PLOD2: variants seen among roughly 807,000 people sequenced by gnomAD.
The protein encoded by PLOD2 is procollagen-lysine,2-oxoglutarate 5-dioxygenase 2, also known as lysine hydroxylase 2.
Under a neutral mutation model 101.0 loss-of-function variants are expected in PLOD2, and 65 were observed. The ratio of observed to expected loss-of-function variants is 0.64; its 90% confidence interval spans 0.53 to 0.79. PLOD2 has a LOEUF of 0.79. Ranked by LOEUF, PLOD2 falls within the 30% of genes least tolerant of loss-of-function variation. The pLI is 0.00. For missense variants in PLOD2, 909 were observed against 914.6 expected (o/e 0.99, Z 0.08); for synonymous variants, 314 against 302.9 (o/e 1.04, Z -0.38).
chr3:146,110,414 C>A lies in PLOD2; in HGVS notation c.373G>T (p.Val125Phe). The change falls in exon 4 of 20, where the codon GTT (valine) becomes TTT (phenylalanine). Residue 125 changes from valine (V) to phenylalanine (F), a missense_variant. Val to Phe is a conservative substitution (Grantham distance 50, BLOSUM62 -1). Transcript: ENST00000282903. Reference sequence around the variant, plus strand: ...TTTGCCTTTTGGAATTTTTTTAGAACTTCTTCTGGACCACCAGCAAATATG... The same window carrying A: ...TTTGCCTTTTGGAATTTTTTTAGAAATTCTTCTGGACCACCAGCAAATATG... ...DVIFAGGPEE[V>F]LKKFQKANHK... is the part of the protein sequence containing the mutation. The A allele has an allele frequency of 6.2e-7, 1 of 1,613,468 alleles. No homozygotes were observed. Among genetic ancestry groups the A allele is most frequent in the South Asian group, 1.1e-5 (1 of 91,040 alleles).
chr3:146,153,276 A>G (rs890159247), intron 1 of PLOD2, among the ~76,000 whole-genome samples: 1 of 152,244 alleles, frequency 6.6e-6, no homozygotes, highest in South Asian at 2.1e-4. Flanking sequence ...TCAAAAAGAA[A>G]TAATTTAAAT....
chr3:146,122,255 C>G (rs1287539162), intron 2 of PLOD2, among the ~76,000 whole-genome samples: 1 of 152,196 alleles, frequency 6.6e-6, no homozygotes, highest in African/African-American at 2.4e-5. Context: ...AAAACTCAAG[C>G]TGTTTTGGAT....
chr3:146,102,050 A>G lies in PLOD2; in HGVS notation c.777+705T>C, dbSNP rs1035334173. Among the ~76,000 whole-genome samples the G allele has an allele frequency of 3.9e-5, 6 of 152,190 alleles. No individual in the cohort carries two copies. In the East Asian group the frequency reaches 9.6e-4, roughly 24 times the overall value. On this transcript the variant is annotated intron_variant, in intron 7 of 19. Coordinates refer to ENST00000282903, the MANE Select transcript of PLOD2 (RefSeq NM_182943.3). The stretch of plus-strand genomic sequence containing the variant: ...TCTGGAACAGAAGCCCACATCCCCC[A>G]GTATTTTCTTCCCACAACAAAAATC...
intron 12 of PLOD2, among the ~76,000 whole-genome samples, chr3:146,080,550 G>A (rs1278167808): frequency 1.3e-5 from 2 of 151,750 alleles, no homozygotes; most frequent in Non-Finnish European, 2.9e-5. Context: ...TTGCTCCTTC[G>A]TGTAGCTTTT....
intron 7 of PLOD2, among the ~76,000 whole-genome samples, chr3:146,092,440 C>G (rs1937006704): frequency 6.6e-6 from 1 of 152,056 alleles, no homozygotes; most frequent in Non-Finnish European, 1.5e-5. Context: ...CTACTATAAG[C>G]TAAGCTTCTG....
chr3:146,136,373 T>G (rs2031229408), intron 1 of PLOD2, among the ~76,000 whole-genome samples: 1 of 152,170 alleles, frequency 6.6e-6, no homozygotes, highest in South Asian at 2.1e-4. Context: ...AGACCACAAG[T>G]GTAAAATTCT....
chr3:146,128,044 T>C (rs2030680408), intron 1 of PLOD2, among the ~76,000 whole-genome samples: 1 of 152,124 alleles, frequency 6.6e-6, no homozygotes, highest in Non-Finnish European at 1.5e-5. Flanking sequence ...AAAAGAAAGA[T>C]AGAAAATTAT....
intron 1 of PLOD2, among the ~76,000 whole-genome samples, chr3:146,152,335 G>A (rs761739778): frequency 6.6e-6 from 1 of 151,984 alleles, no homozygotes; most frequent in Non-Finnish European, 1.5e-5. Flanking sequence ...CAGGAGCATC[G>A]CTTGAACCCG....
chr3:146,092,794 T>C (rs1937021237), intron 7 of PLOD2, among the ~76,000 whole-genome samples: 1 of 152,094 alleles, frequency 6.6e-6, no homozygotes, highest in Non-Finnish European at 1.5e-5. Flanking sequence ...TCCCTAGAAT[T>C]TGAACATGTT....
At position 146,070,634 on chromosome 3, in the gene PLOD2, ATCT is replaced by A. The variant is rs1280876436; in HGVS notation, c.*80_*82del. On this transcript the variant is annotated 3_prime_UTR_variant, in exon 20 of 20. Transcript: ENST00000282903. ...TTGATGTTATTTAAATATTCCTCTC[ATCT>A]TCTCAGCCACAACTTCAAAGACGTG... 3 of 886,000 alleles carry A rather than the reference ATCT, an allele frequency of 3.4e-6. No homozygotes were observed. Among genetic ancestry groups the A allele is most frequent in the African/African-American group, 1.7e-5 (1 of 59,432 alleles). The allele number at this position is 886,000 out of a possible 1,614,324, so 54.9% of individuals were successfully genotyped here. A position where few individuals can be genotyped will look rare whatever the true frequency, so the allele number is the denominator to read the frequency against.
chr3:146,102,669 T>G, intron 7 of PLOD2, 86 bp downstream of exon 7: 1 of 734,014 alleles, frequency 1.4e-6, no homozygotes. Context: ...TGAAAGAAAT[T>G]TTTAAAAATA....
At chr3:146,141,909 A>G (rs918502355) in intron 1 of PLOD2, among the ~76,000 whole-genome samples, 12 of 152,092 alleles carry the variant, frequency 7.9e-5, no homozygotes, top group African/African-American at 2.7e-4. Context: ...GAAGTTTATG[A>G]AAAAAATTGT....
chr3:146,071,329 C>G lies in PLOD2; in HGVS notation c.1943G>C (p.Arg648Pro). 2 of 1,612,154 alleles carry G rather than the reference C, an allele frequency of 1.2e-6. No individual in the cohort carries two copies. Among genetic ancestry groups the G allele is most frequent in the South Asian group, 1.1e-5 (1 of 91,058 alleles). The stretch of plus-strand genomic sequence containing the variant: ...CAGTGTAACTGGTGCAATGAACTCC[C>G]GGATAAAATGAAGCCATACATTCTC... The part of the protein sequence containing the change: ...DLENVWLHFI[R>P]EFIAPVTLKV... The change falls in exon 18 of 20, where the codon CGG (arginine) becomes CCG (proline). Residue 648 changes from arginine (R) to proline (P), a missense_variant. Transcript: ENST00000282903.
chr3:146,154,499 A>C (rs1479377909), intron 1 of PLOD2, among the ~76,000 whole-genome samples: 1 of 151,962 alleles, frequency 6.6e-6, no homozygotes, highest in Non-Finnish European at 1.5e-5. Flanking sequence ...GTTAGTGTTA[A>C]TTGCTCTTGA....
At chr3:146,122,020 A>C (rs1467348624) in intron 2 of PLOD2, among the ~76,000 whole-genome samples, 1 of 152,194 alleles carries the variant, frequency 6.6e-6, no homozygotes, top group Non-Finnish European at 1.5e-5. Context: ...CATTATAATG[A>C]TCTACTAAGA....
In PLOD2 at chr3:146,072,596, C is replaced by A. The variant is rs1559831570; in HGVS notation, c.1813G>T (p.Glu605Ter). 6.2e-7 allele frequency: 1 copy of A among 1,610,114 alleles called. No homozygotes were observed. The highest frequency in any genetic ancestry group is 8.5e-7 in the Non-Finnish European group (1 of 1,177,096). ...CCCCCAGACCATTTGCCGTAATGTT[C>A]CATTTCTTCTACCAATTCATCACAG... ...KACDELVEEM[E>*]HYGKWSGGKH... The change falls in exon 17 of 20, where the codon GAA (glutamate) becomes TAA (stop). Residue 605 changes from glutamate (E) to a stop codon, truncating the protein, a stop_gained. Transcript: ENST00000282903. LOFTEE classifies it high-confidence loss of function.
intron 1 of PLOD2, among the ~76,000 whole-genome samples, chr3:146,153,140 A>G (rs1159464539): frequency 6.6e-6 from 1 of 152,190 alleles, no homozygotes; most frequent in Non-Finnish European, 1.5e-5. Context: ...CTTGGACAAG[A>G]CCGGAAAATC....
chr3:146,152,725 C>A (rs1036310940), intron 1 of PLOD2, among the ~76,000 whole-genome samples: 2 of 152,168 alleles, frequency 1.3e-5, no homozygotes, highest in Non-Finnish European at 2.9e-5. Context: ...CCCATAAGTG[C>A]TTCTTTGATT....
At chr3:146,106,943 C>A (rs1937544963) in intron 4 of PLOD2, among the ~76,000 whole-genome samples, 1 of 152,124 alleles carries the variant, frequency 6.6e-6, no homozygotes. Flanking sequence ...TTCCAAGGCT[C>A]CTAAGGGAAA....
Sources: gnomAD v4.1 joint callset for allele counts (sites outside exome capture counted in the v4.1 genomes callset) on GRCh38, gnomAD v4.1.1 for gene constraint, MANE v1.5 for transcripts, NCBI Gene and HGNC (gene_info 2026-07-23, HGNC 2026-07-21) for gene names.